SLC9B1: variants seen among roughly 807,000 people sequenced by gnomAD.
The protein encoded by SLC9B1 is solute carrier family 9 member B1.
SLC9B1 carries 32 observed loss-of-function variants against 51.7 expected under a neutral mutation model. The observed-to-expected ratio is 0.62, with a 90% CI of 0.47 to 0.83. The LOEUF (loss-of-function observed/expected upper bound fraction) is 0.83, where lower values mean the gene tolerates loss of function less well. Among genes scored for constraint, SLC9B1 ranks in the 40% least tolerant of loss-of-function variants. SLC9B1 has a pLI of 0.00. For synonymous variants in SLC9B1, 145 were observed against 212.7 expected (o/e 0.68, Z 2.77); for missense variants, 406 against 613.2 (o/e 0.66, Z 3.57).
intron 11 of SLC9B1, chr4:102,888,949 T>TC (rs1734084994): frequency 1.3e-5 from 2 of 152,258 alleles, no homozygotes; most frequent in African/African-American, 4.8e-5. Flanking sequence ...CACTTTGCTT[T>TC]CTTTTTATAA....
intron 3 of SLC9B1, among the ~76,000 whole-genome samples, chr4:102,975,999 T>C (rs1739051221): frequency 6.6e-6 from 1 of 152,044 alleles, no homozygotes; most frequent in Non-Finnish European, 1.5e-5. Flanking sequence ...ATTTGGTATT[T>C]AGAAGTTAGG....
chr4:102,985,335 C>T (rs574290816), intron 3 of SLC9B1, among the ~76,000 whole-genome samples: 22 of 152,214 alleles, frequency 1.4e-4, no homozygotes, highest in African/African-American at 3.9e-4. Context: ...ATCAATCATG[C>T]TTGTTCCTCT....
chr4:102,963,174 GGTAATC>G (rs1317273685), intron 3 of SLC9B1: 11 of 356,246 alleles, frequency 3.1e-5, no homozygotes, highest in Non-Finnish European at 6.1e-5. Flanking sequence ...AGGTTCAGGT[GGTAATC>G]CATCACATGC....
At chr4:102,948,745 A>G (rs923841504) in intron 4 of SLC9B1, among the ~76,000 whole-genome samples, 2 of 152,174 alleles carry the variant, frequency 1.3e-5, no homozygotes, top group Non-Finnish European at 2.9e-5. Context: ...GTTCTCACTT[A>G]TATGTGGGCA....
In SLC9B1 at chr4:102,993,997, G is replaced by GC. The variant is rs1740088449; in HGVS notation, c.-1-2286_-1-2285insG. On this transcript the variant is annotated intron_variant, in intron 1 of 11. Coordinates refer to ENST00000296422, the MANE Select transcript of SLC9B1 (RefSeq NM_139173.4). ...CCACAAAGCCATTTTTCCCTCCTAG[G>GC]TCTCCAGGCCTGTGATGGGAGGGGC... Among the ~76,000 whole-genome samples, 4 of 152,204 alleles carry GC rather than the reference G, an allele frequency of 2.6e-5. No individual in the cohort carries two copies. In the South Asian group the frequency reaches 8.3e-4, roughly 32 times the overall value.
At chr4:102,988,454 T>C (rs940234946) in intron 3 of SLC9B1, among the ~76,000 whole-genome samples, 4 of 152,156 alleles carry the variant, frequency 2.6e-5, no homozygotes, top group African/African-American at 9.6e-5. Context: ...CCTTTTATTA[T>C]CCAAACTCTA....
chr4:103,008,142 A>G (rs138758558), intron 1 of SLC9B1, among the ~76,000 whole-genome samples: 1 of 152,362 alleles, frequency 6.6e-6, no homozygotes, highest in East Asian at 1.9e-4. Flanking sequence ...AAGTACATAC[A>G]TAAACACACA....
At chr4:102,913,769 T>A (rs1735452892) in intron 7 of SLC9B1, among the ~76,000 whole-genome samples, 5 of 39,584 alleles carry the variant, frequency 1.3e-4, no homozygotes, top group South Asian at 5.6e-4. Flanking sequence ...ATGAACAAAA[T>A]GAAAATATTA....
chr4:102,885,477 T>C (rs1305214775), intron 11 of SLC9B1: 3 of 1,424,732 alleles, frequency 2.1e-6, no homozygotes, highest in East Asian at 4.6e-5. Context: ...AGTGCTAGGA[T>C]TGTTTCGCCT....
intron 6 of SLC9B1, among the ~76,000 whole-genome samples, chr4:102,937,924 G>A (rs4530634): frequency 0.55 from 83,091 of 151,740 alleles, 23,312 homozygotes; most frequent in African/African-American, 0.68. Flanking sequence ...ACAAAAATAC[G>A]TTTAAGTACA....
At chr4:102,917,985 C>T (rs1189948385) in intron 7 of SLC9B1, among the ~76,000 whole-genome samples, 1 of 148,110 alleles carries the variant, frequency 6.8e-6, no homozygotes, top group Non-Finnish European at 1.5e-5. Context: ...AGGAGAGTCA[C>T]TTGAACCGGG....
chr4:102,936,573 T>C (rs1736735436), intron 6 of SLC9B1, among the ~76,000 whole-genome samples: 1 of 152,286 alleles, frequency 6.6e-6, no homozygotes, highest in East Asian at 1.9e-4. Flanking sequence ...ACTAAACTGA[T>C]AGAGCTGAAA....
intron 1 of SLC9B1, among the ~76,000 whole-genome samples, chr4:103,017,661 A>G (rs1447483171): frequency 3.3e-5 from 5 of 150,752 alleles, no homozygotes; most frequent in Admixed American, 2.0e-4. Context: ...TAAGCAATCA[A>G]TCTAAACTAA....
chr4:102,995,601 A>G (rs1274485727), intron 1 of SLC9B1, among the ~76,000 whole-genome samples: 3 of 152,196 alleles, frequency 2.0e-5, no homozygotes, highest in African/African-American at 4.8e-5. Flanking sequence ...GAAGCTTTAT[A>G]CTGAGTCAAG....
chr4:102,897,663 C>T (rs897385668), downstream of SLC9B1: 4 of 356,946 alleles, frequency 1.1e-5, no homozygotes, highest in South Asian at 2.4e-5. Context: ...CTAAATTGCT[C>T]AGGGTGCCAG....
chr4:102,979,098 G>T (rs968037748), intron 3 of SLC9B1, among the ~76,000 whole-genome samples: 1 of 152,046 alleles, frequency 6.6e-6, no homozygotes, highest in Non-Finnish European at 1.5e-5. Flanking sequence ...GACTTCTTGG[G>T]GAATAAAAAA....
chr4:102,951,445 T>TA, intron 3 of SLC9B1, among the ~76,000 whole-genome samples: 1 of 152,084 alleles, frequency 6.6e-6, no homozygotes, highest in South Asian at 2.1e-4. Context: ...ATAGAACCAC[T>TA]AGATAGACAC....
At chr4:102,979,787 C>CA (rs1200077514) in intron 3 of SLC9B1, among the ~76,000 whole-genome samples, 1 of 151,902 alleles carries the variant, frequency 6.6e-6, no homozygotes, top group African/African-American at 2.4e-5. Flanking sequence ...AGAGAGATCT[C>CA]AAAAATCCCC....
downstream of SLC9B1, chr4:102,897,831 C>T: frequency 2.4e-6 from 1 of 416,360 alleles, no homozygotes. Context: ...GCCGCTACTG[C>T]TACTACAGAT....
Sources: allele counts gnomAD v4.1 joint callset (sites outside exome capture counted in the v4.1 genomes callset), GRCh38; gene constraint gnomAD v4.1.1; transcripts MANE v1.5; gene names NCBI Gene and HGNC (gene_info 2026-07-23, HGNC 2026-07-21).